The following ZNF804A variants were observed in gnomAD, a reference collection of about 807,000 sequenced individuals.
The protein encoded by ZNF804A is zinc finger protein 804A.
A neutral mutation model predicts 16.5 loss-of-function variants in ZNF804A; 2 were observed. The ratio of observed to expected loss-of-function variants is 0.12; its 90% CI spans 0.05 to 0.38. The LOEUF is 0.38. ZNF804A is among the 10% of genes least tolerant of loss of function. The probability of loss-of-function intolerance (pLI) is 0.99; values close to 1 mark genes in which losing one functional copy is unlikely to be tolerated. For missense variants in ZNF804A, 1,473 were observed against 1,390.7 expected (o/e 1.06, Z -0.94); for synonymous variants, 534 against 489.6 (o/e 1.09, Z -1.20).
intron 1 of ZNF804A, among the ~76,000 whole-genome samples, chr2:184,613,605 A>C (rs1691273160): frequency 6.6e-6 from 1 of 152,176 alleles, no homozygotes; most frequent in African/African-American, 2.4e-5. Flanking sequence ...GATGGGGGTA[A>C]GGGGAAAGAG....
chr2:184,611,337 C>A (rs1207477691), intron 1 of ZNF804A, among the ~76,000 whole-genome samples: 1 of 152,002 alleles, frequency 6.6e-6, no homozygotes, highest in Non-Finnish European at 1.5e-5. Context: ...GCATTTCTTA[C>A]ATGTTTACCC....
chr2:184,820,090 T>C (rs1695048860), intron 1 of ZNF804A, among the ~76,000 whole-genome samples: 1 of 151,902 alleles, frequency 6.6e-6, no homozygotes, highest in African/African-American at 2.4e-5. Flanking sequence ...CTCCTGATAC[T>C]AAAACCTGGC....
chr2:184,877,103 T>C (rs1307436124), intron 2 of ZNF804A, among the ~76,000 whole-genome samples: 1 of 152,128 alleles, frequency 6.6e-6, no homozygotes, highest in African/African-American at 2.4e-5. Context: ...CTTGGAAGTA[T>C]ATTTTTCTTA....
intron 2 of ZNF804A, among the ~76,000 whole-genome samples, chr2:184,897,619 C>A (rs1231485467): frequency 6.6e-6 from 1 of 152,026 alleles, no homozygotes; most frequent in Non-Finnish European, 1.5e-5. Flanking sequence ...GGAATTTGAT[C>A]TTTCTCCAAC....
chr2:184,624,725 T>C (rs1691470734), intron 1 of ZNF804A, among the ~76,000 whole-genome samples: 1 of 152,158 alleles, frequency 6.6e-6, no homozygotes, highest in Non-Finnish European at 1.5e-5. Context: ...AACACTTATT[T>C]CCAATTTGTT....
At chr2:184,609,607 G>A (rs1691205343) in intron 1 of ZNF804A, among the ~76,000 whole-genome samples, 1 of 152,148 alleles carries the variant, frequency 6.6e-6, no homozygotes, top group African/African-American at 2.4e-5. Flanking sequence ...TCCATATCTG[G>A]CGAGGACCTG....
At chr2:184,840,803 A>G (rs887737021) in intron 1 of ZNF804A, among the ~76,000 whole-genome samples, 13 of 152,266 alleles carry the variant, frequency 8.5e-5, no homozygotes, top group Admixed American at 5.2e-4. Flanking sequence ...TTAAATGGTT[A>G]TTCTTAACTT....
intron 1 of ZNF804A, among the ~76,000 whole-genome samples, chr2:184,672,436 C>T (rs1426879195): frequency 6.6e-6 from 1 of 152,158 alleles, no homozygotes; most frequent in Non-Finnish European, 1.5e-5. Flanking sequence ...ACGTTTCTAA[C>T]AGCTTATCAT....
intron 1 of ZNF804A, among the ~76,000 whole-genome samples, chr2:184,622,879 T>A (rs1691440660): frequency 6.6e-6 from 1 of 151,940 alleles, no homozygotes; most frequent in African/African-American, 2.4e-5. Context: ...AAAATAGCAT[T>A]TGAAGAAGAG....
At chr2:184,735,477 G>C (rs1235860528) in intron 1 of ZNF804A, among the ~76,000 whole-genome samples, 2 of 152,236 alleles carry the variant, frequency 1.3e-5, no homozygotes, top group Admixed American at 6.5e-5. Context: ...AGCATTAGGA[G>C]AAATACCTAA....
At chr2:184,885,559 C>A (rs1468126386) in intron 2 of ZNF804A, among the ~76,000 whole-genome samples, 2 of 152,052 alleles carry the variant, frequency 1.3e-5, no homozygotes, top group East Asian at 3.9e-4. Context: ...GAGCTGGAGG[C>A]CATGTATTAG....
chr2:184,820,595 C>T (rs765989185), intron 1 of ZNF804A, among the ~76,000 whole-genome samples: 3 of 151,776 alleles, frequency 2.0e-5, no homozygotes, highest in African/African-American at 7.2e-5. Context: ...AGAAATAAAG[C>T]ATGTTCAAAT....
intron 1 of ZNF804A, among the ~76,000 whole-genome samples, chr2:184,705,504 G>T (rs896843425): frequency 9.9e-5 from 15 of 152,080 alleles, no homozygotes; most frequent in African/African-American, 3.6e-4. Context: ...TTTAATAAAT[G>T]TTTTCTGCTT....
At chr2:184,759,032 T>C (rs979405696) in intron 1 of ZNF804A, among the ~76,000 whole-genome samples, 5 of 151,600 alleles carry the variant, frequency 3.3e-5, no homozygotes, top group African/African-American at 2.4e-5. Context: ...TATATGTAGA[T>C]AGAAGTGCTT....
At chr2:184,917,792 CAT>C (rs1161596059) in intron 2 of ZNF804A, among the ~76,000 whole-genome samples, 5 of 145,960 alleles carry the variant, frequency 3.4e-5, no homozygotes, top group African/African-American at 1.3e-4. Context: ...ATAACTAGCA[CAT>C]ACACACACAC....
Position 184,895,195 on chromosome 2 carries a change from C to T in ZNF804A, c.255+28683C>T, listed in dbSNP as rs539734125. ...GCTGAAGCATCGGTCTTTTTATGCT[C>T]GTGTGTGTGTGTGTTTGTGGGTGGG... On this transcript the variant is annotated intron_variant, in intron 2 of 3. Coordinates refer to ENST00000302277, the MANE Select transcript of ZNF804A (RefSeq NM_194250.2). 2.7e-5 allele frequency among the ~76,000 whole-genome samples: 4 copies of T among 150,736 alleles called. No homozygotes were observed. The South Asian group carries it at 6.3e-4, about 24-fold the overall frequency.
chr2:184,717,344 T>C (rs970346628), intron 1 of ZNF804A, among the ~76,000 whole-genome samples: 6 of 152,142 alleles, frequency 3.9e-5, no homozygotes, highest in Admixed American at 6.6e-5. Context: ...TTTTTTTAGA[T>C]CTATTTGCTG....
chr2:184,902,841 A>G (rs892609787), intron 2 of ZNF804A, among the ~76,000 whole-genome samples: 2 of 152,104 alleles, frequency 1.3e-5, no homozygotes, highest in Non-Finnish European at 2.9e-5. Flanking sequence ...TAATTTTGCT[A>G]TTTTTGAACT....
intron 2 of ZNF804A, among the ~76,000 whole-genome samples, chr2:184,915,957 A>G (rs1279176495): frequency 6.6e-6 from 1 of 152,170 alleles, no homozygotes; most frequent in Non-Finnish European, 1.5e-5. Context: ...GTGTGATACC[A>G]TCCACTAGAA....
Sources: allele counts gnomAD v4.1 joint callset (sites outside exome capture counted in the v4.1 genomes callset), GRCh38; gene constraint gnomAD v4.1.1; transcripts MANE v1.5; gene names NCBI Gene and HGNC (gene_info 2026-07-23, HGNC 2026-07-21).